The following ZNF500 variants were observed in gnomAD, a reference collection of about 807,000 sequenced individuals.
The protein encoded by ZNF500 is zinc finger protein 500, also known as zinc finger protein with KRAB and SCAN domains 18.
In ZNF500, 31 loss-of-function variants were observed where a neutral mutation model predicts 30.1. The ratio of observed to expected loss-of-function variants is 1.03; its 90% CI spans 0.77 to 1.39. The LOEUF (loss-of-function observed/expected upper bound fraction) is 1.39. Among genes scored for constraint, ZNF500 ranks in the 40% most tolerant of loss-of-function variants. The pLI, the probability that ZNF500 is intolerant of heterozygous loss-of-function variation, is 0.00. For synonymous variants in ZNF500, 392 were observed against 282.0 expected, an observed-to-expected ratio of 1.39 and a Z score of -3.91; for missense variants, 817 against 657.8, an observed-to-expected ratio of 1.24 and a Z score of -2.65.
At chr16:4,746,544 C>G (rs1364920686), downstream of ZNF500, 1 of 1,599,500 alleles carries the variant, frequency 6.3e-7, no homozygotes, top group South Asian at 1.1e-5. Flanking sequence ...CCATACCAGC[C>G]TCTACTTTGC....
downstream of ZNF500, chr16:4,747,206 C>A: frequency 8.0e-7 from 1 of 1,253,232 alleles, no homozygotes; most frequent in Non-Finnish European, 1.1e-6. Flanking sequence ...GCAGTGGCAG[C>A]AGTGATGGGC....
At chr16:4,746,830 T>C (rs988952380), downstream of ZNF500, 35 of 1,166,604 alleles carry the variant, frequency 3.0e-5, no homozygotes, top group African/African-American at 6.3e-5. Context: ...ACCTCTTGCA[T>C]TGGGTCACCA....
intron 2 of ZNF500, chr16:4,764,223 T>C (rs2082237986): frequency 1.4e-5 from 5 of 346,490 alleles, no homozygotes; most frequent in Non-Finnish European, 2.0e-5. Flanking sequence ...ACTGAGGAAC[T>C]AATTTAACAT....
At chr16:4,757,612 T>C (rs1193253781) in intron 5 of ZNF500, among the ~76,000 whole-genome samples, 1 of 151,932 alleles carries the variant, frequency 6.6e-6, no homozygotes, top group African/African-American at 2.4e-5. Context: ...TTTTTGTTTT[T>C]GTTTTTTGGA....
chr16:4,753,963 C>A (rs1451626039), intron 5 of ZNF500, among the ~76,000 whole-genome samples: 1 of 152,202 alleles, frequency 6.6e-6, no homozygotes, highest in Admixed American at 6.5e-5. Context: ...AGAGCCACCA[C>A]CAACAGGACA....
rs892968502 is a variant in ZNF500 at position 4,751,836 on chromosome 16, G to A, written c.*540C>T. The A allele has an allele frequency of 8.0e-6, 4 of 500,136 alleles. No individual in the cohort carries two copies. The highest frequency in any genetic ancestry group is 6.0e-5 in the African/African-American group (3 of 49,634). 31.0% of individuals were successfully genotyped at this position (500,136 alleles called of 1,614,324 possible). A position where few individuals can be genotyped will look rare whatever the true frequency, so the allele number is the denominator to read the frequency against. On this transcript the variant is annotated 3_prime_UTR_variant, in exon 6 of 6. Transcript: ENST00000219478. ...GGCAGGAGGAACACTTGAGCCCAGGGATTCGAGGCTGCAGTGAGCTATGAT... is the reference window on the plus strand; with the variant it reads ...GGCAGGAGGAACACTTGAGCCCAGGAATTCGAGGCTGCAGTGAGCTATGAT...
At position 4,752,815 on chromosome 16, in the gene ZNF500, C is replaced by CTGAA. The variant is rs749303595; in HGVS notation, c.1000_1003dup (p.Ser335IlefsTer30). The CTGAA allele has an allele frequency of 6.2e-7, 1 of 1,614,258 alleles. No homozygotes were observed. Among genetic ancestry groups the CTGAA allele is most frequent in the South Asian group, 1.1e-5 (1 of 91,092 alleles). The stretch of plus-strand genomic sequence containing the variant: ...GTGCTTGGTCAAGTGGGACGTCTTG[C>CTGAA]TGAAGCCTTTGCCACATTCGGGGCA... On this transcript the variant is annotated frameshift_variant, in exon 6 of 6. Coordinates refer to ENST00000219478, the MANE Select transcript of ZNF500 (RefSeq NM_021646.4). LOFTEE classifies it low-confidence loss of function (END_TRUNC).
At chr16:4,759,861 G>T (rs1567530948) in intron 5 of ZNF500, among the ~76,000 whole-genome samples, 1 of 152,146 alleles carries the variant, frequency 6.6e-6, no homozygotes, top group Non-Finnish European at 1.5e-5. Flanking sequence ...ACATGGTGAT[G>T]AAACCCATCT....
chr16:4,762,965 C>A, intron 2 of ZNF500: 1 of 985,446 alleles, frequency 1.0e-6, no homozygotes, highest in Non-Finnish European at 1.2e-6. Flanking sequence ...CCTGTCACCA[C>A]AATCGTTTCC....
intron 4 of ZNF500, 128 bp downstream of exon 4, chr16:4,762,143 C>A (rs2082208870): frequency 9.1e-7 from 1 of 1,099,884 alleles, no homozygotes; most frequent in Non-Finnish European, 1.3e-6. Context: ...GAGAAAACTC[C>A]AGGGAAGAGC....
chr16:4,754,548 C>G (rs1253522449), intron 5 of ZNF500, among the ~76,000 whole-genome samples: 2 of 151,518 alleles, frequency 1.3e-5, no homozygotes, highest in Non-Finnish European at 2.9e-5. Flanking sequence ...CCTGTAATCC[C>G]AGCTACTTGG....
chr16:4,762,228 G>A lies in ZNF500; in HGVS notation c.663+43C>T, dbSNP rs1422042567. 6 of 1,598,214 alleles carry A rather than the reference G, an allele frequency of 3.8e-6. No individual in the cohort carries two copies. In the East Asian group the frequency reaches 1.1e-4, roughly 30 times the overall value. On this transcript the variant is annotated intron_variant, in intron 4 of 5. Transcript: ENST00000219478. ...AGGAAGTGTGACACACAGGAGGTCGGGCCAGACCCCAGGATGCTGCAGACC... is the reference window on the plus strand; with the variant it reads ...AGGAAGTGTGACACACAGGAGGTCGAGCCAGACCCCAGGATGCTGCAGACC...
At chr16:4,760,366 G>A (rs934070966) in intron 5 of ZNF500, 126 bp downstream of exon 5, 23 of 818,668 alleles carry the variant, frequency 2.8e-5, no homozygotes, top group Non-Finnish European at 4.1e-5. Flanking sequence ...GCAGGGATAC[G>A]GGTAGCCCTG....
chr16:4,744,853 C>G (rs375708979), downstream of ZNF500: 53 of 1,608,262 alleles, frequency 3.3e-5, no homozygotes, highest in Non-Finnish European at 2.2e-5. Context: ...ATCAGCCTCT[C>G]CTTTGGCCAT....
Position 4,761,371 on chromosome 16 carries a change from C to T in ZNF500, c.664-783G>A, listed in dbSNP as rs148091762. Among the ~76,000 whole-genome samples the T allele has an allele frequency of 4.8e-4, 72 of 151,446 alleles. 1 individual carries two copies. In the East Asian group the frequency reaches 0.013, roughly 28 times the overall value. ...AGGAAAATCGCTTGAACCCGGGAGC[C>T]GGAGGTTGCAGTGAGCCGAGATCGC... On this transcript the variant is annotated intron_variant, in intron 4 of 5. Transcript: ENST00000219478.
intron 2 of ZNF500, chr16:4,764,042 C>T: frequency 1.0e-6 from 1 of 985,400 alleles, no homozygotes; most frequent in Non-Finnish European, 1.2e-6. Flanking sequence ...GAAACTGAAG[C>T]AGCAGGAATG....
chr16:4,756,806 G>A (rs1006545826), intron 5 of ZNF500, among the ~76,000 whole-genome samples: 3 of 151,932 alleles, frequency 2.0e-5, no homozygotes, highest in Admixed American at 6.6e-5. Context: ...GTGAGACACC[G>A]TGCCCGGCCC....
rs2142222606 is a variant in ZNF500 at position 4,751,393 on chromosome 16, A to G, written c.*983T>C. 1 of 595,298 alleles carries G rather than the reference A, an allele frequency of 1.7e-6. No homozygotes were observed. Among genetic ancestry groups the G allele is most frequent in the Non-Finnish European group, 2.9e-6 (1 of 346,274 alleles). 36.9% of individuals were successfully genotyped at this position (595,298 alleles called of 1,614,324 possible). On this transcript the variant is annotated 3_prime_UTR_variant, in exon 6 of 6. Transcript: ENST00000219478. ...AGCCCTGGGCCCCGGCCCTGGGGAG[A>G]TGTCAGGCCCGTCACATCCCAGGCA...
In ZNF500 at chr16:4,764,450, T is replaced by C. The variant is rs573997034; in HGVS notation, c.414+1115A>G. 1.3e-3 allele frequency among the ~76,000 whole-genome samples: 192 copies of C among 152,064 alleles called. 2 individuals are homozygous for C. The highest frequency in any genetic ancestry group is 6.0e-3 in the Admixed American group (92 of 15,256). On this transcript the variant is annotated intron_variant, in intron 2 of 5. Transcript: ENST00000219478. Reference sequence around the variant, plus strand: ...CTGAGGCACGAGAATCACTCCAGCCTGGGCGACAGAGAGAGACTCTGTCTC... The same window carrying C: ...CTGAGGCACGAGAATCACTCCAGCCCGGGCGACAGAGAGAGACTCTGTCTC...
Sources: gnomAD v4.1 joint callset for allele counts (sites outside exome capture counted in the v4.1 genomes callset) on GRCh38, gnomAD v4.1.1 for gene constraint, MANE v1.5 for transcripts, NCBI Gene and HGNC (gene_info 2026-07-23, HGNC 2026-07-21) for gene names.